Variants in C8orf33 observed in about 807,000 individuals in gnomAD.
C8orf33 encodes chromosome 8 open reading frame 33.
A neutral mutation model predicts 25.7 loss-of-function variants in C8orf33; 28 were observed. That is an observed-to-expected ratio of 1.09 (90% CI 0.81 to 1.49). The LOEUF is 1.49. C8orf33 is among the 40% of genes most tolerant of loss of function. The pLI is 0.00. For synonymous variants in C8orf33, 153 were observed against 115.9 expected, an observed-to-expected ratio of 1.32 and a Z score of -2.06; for missense variants, 369 against 294.4, an observed-to-expected ratio of 1.25 and a Z score of -1.85.
Position 145,052,914 on chromosome 8 carries a change from G to A in C8orf33, c.318+17G>A. ...GAGGCCCAGGCAAGGGCGGGCTTCG[G>A]TCGGGAAGGGTGGAATCCACGGGTG... On this transcript the variant is annotated intron_variant, in intron 2 of 4. Coordinates refer to ENST00000331434, the MANE Select transcript of C8orf33 (RefSeq NM_023080.3). 1 of 1,606,562 alleles carries A rather than the reference G, an allele frequency of 6.2e-7. No individual in the cohort carries two copies. Among genetic ancestry groups the A allele is most frequent in the East Asian group, 2.2e-5 (1 of 44,560 alleles).
At position 145,054,057 on chromosome 8, in the gene C8orf33, C is replaced by G; in HGVS notation, c.590C>G (p.Thr197Ser). 1 of 1,614,162 alleles carries G rather than the reference C, an allele frequency of 6.2e-7. No individual in the cohort carries two copies. Among genetic ancestry groups the G allele is most frequent in the Non-Finnish European group, 8.5e-7 (1 of 1,180,028 alleles). ...SAQVQPVDGA[T>S]RKKSQRVCRP... ...CAGGTGCAACCTGTAGATGGAGCCA[C>G]CAGAAAGAAGAGCCAAAGGGTCTGC... The change falls in exon 5 of 5, where the codon ACC becomes AGC. Residue 197 changes from threonine to serine, a missense_variant. By Grantham distance (58) the Thr-to-Ser change is moderately conservative. Coordinates refer to ENST00000331434, the MANE Select transcript of C8orf33 (RefSeq NM_023080.3).
At chr8:145,053,003 G>C in intron 2 of C8orf33, 59 bp from the exon 3 acceptor site, 1 of 1,611,118 alleles carries the variant, frequency 6.2e-7, no homozygotes, top group Non-Finnish European at 8.5e-7. Context: ...CATGGGATGG[G>C]GCCGGCGGCT....
Position 145,052,713 on chromosome 8 carries a change from C to A in C8orf33, c.134C>A (p.Pro45Gln). 1 of 1,614,168 alleles carries A rather than the reference C, an allele frequency of 6.2e-7. No homozygotes were observed. The highest frequency in any genetic ancestry group is 8.5e-7 in the Non-Finnish European group (1 of 1,180,026). Residue 45 changes from proline (P) to glutamine (Q), a missense_variant, in exon 2 of 5, where the codon CCA becomes CAA. Coordinates refer to ENST00000331434, the MANE Select transcript of C8orf33 (RefSeq NM_023080.3). ...AATCCTTCCACTGTCTGTCTCTGCCCAGAGCAACCTACGTGCAGTAACGCT... is the reference window on the plus strand; with the variant it reads ...AATCCTTCCACTGTCTGTCTCTGCCAAGAGCAACCTACGTGCAGTAACGCT... ...ARNPSTVCLCPEQPTCSNADS... is the reference protein window; with the variant it reads ...ARNPSTVCLCQEQPTCSNADS...
chr8:145,056,002 T>C lies in C8orf33; in HGVS notation c.*1845T>C, dbSNP rs1160462082. ...GGTCTCCGCGTCTTGGTGGTAGTGGTCCCCCAGGCCCAGGTGTCTTTTCTT... is the reference window on the plus strand; with the variant it reads ...GGTCTCCGCGTCTTGGTGGTAGTGGCCCCCCAGGCCCAGGTGTCTTTTCTT... On this transcript the variant is annotated 3_prime_UTR_variant, in exon 5 of 5. Coordinates refer to ENST00000331434, the MANE Select transcript of C8orf33 (RefSeq NM_023080.3). 1 of 213,404 alleles carries C rather than the reference T, an allele frequency of 4.7e-6. No individual in the cohort carries two copies. The highest frequency in any genetic ancestry group is 9.1e-6 in the Non-Finnish European group (1 of 109,922). The allele number at this position is 213,404 out of a possible 1,614,324, so 13.2% of individuals were successfully genotyped here.
Position 145,054,282 on chromosome 8 carries a change from C to A in C8orf33, c.*125C>A. On this transcript the variant is annotated 3_prime_UTR_variant, in exon 5 of 5. Coordinates refer to ENST00000331434, the MANE Select transcript of C8orf33 (RefSeq NM_023080.3). ...GGAGTTGGTCTGTCCCTGGCTGGTCCAAGGATTTGTAGCTGTTGTGAAGGT... is the reference window on the plus strand; with the variant it reads ...GGAGTTGGTCTGTCCCTGGCTGGTCAAAGGATTTGTAGCTGTTGTGAAGGT... 2 of 1,127,638 alleles carry A rather than the reference C, an allele frequency of 1.8e-6. No individual in the cohort carries two copies. Among genetic ancestry groups the A allele is most frequent in the Non-Finnish European group, 2.5e-6 (2 of 796,764 alleles). The allele number at this position is 1,127,638 out of a possible 1,614,324, so 69.9% of individuals were successfully genotyped here. A position where few individuals can be genotyped will look rare whatever the true frequency, so the allele number is the denominator to read the frequency against.
In C8orf33 at chr8:145,054,944, A is replaced by G. The variant is rs1228410879; in HGVS notation, c.*787A>G. ...TGACCTAATCCTCATTGGTGGCTTG[A>G]TGTTTGCTGGTATCTTCCAAACTCA... is the stretch of plus-strand genomic sequence containing the variant. On this transcript the variant is annotated 3_prime_UTR_variant, in exon 5 of 5. Coordinates refer to ENST00000331434, the MANE Select transcript of C8orf33 (RefSeq NM_023080.3). The G allele has an allele frequency of 1.3e-5, 2 of 152,140 alleles. No homozygotes were observed. Among genetic ancestry groups the G allele is most frequent in the Non-Finnish European group, 2.9e-5 (2 of 68,030 alleles). The allele number at this position is 152,140 out of a possible 1,614,324, so 9.4% of individuals were successfully genotyped here. A position where few individuals can be genotyped will look rare whatever the true frequency, so the allele number is the denominator to read the frequency against.
rs942336701 is a variant in C8orf33 at position 145,052,746 on chromosome 8, G to T, written c.167G>T (p.Arg56Ile). 8.7e-6 allele frequency: 14 copies of T among 1,614,084 alleles called. No individual in the cohort carries two copies. Among genetic ancestry groups the T allele is most frequent in the Admixed American group, 1.7e-5 (1 of 60,012 alleles). Reference protein sequence around the residue: ...EQPTCSNADSRAHPLGDEGGT... With the variant: ...EQPTCSNADSIAHPLGDEGGT... ...CCTACGTGCAGTAACGCTGACTCCAGAGCGCACCCGTTGGGCGATGAAGGC... is the reference window on the plus strand; with the variant it reads ...CCTACGTGCAGTAACGCTGACTCCATAGCGCACCCGTTGGGCGATGAAGGC... The change falls in exon 2 of 5, where the codon AGA (arginine) becomes ATA (isoleucine). Residue 56 changes from arginine (R) to isoleucine (I), a missense_variant. By Grantham distance (97) the Arg-to-Ile change is moderately conservative. Transcript: ENST00000331434.
Position 145,052,771 on chromosome 8 carries a change from C to A in C8orf33, c.192C>A (p.Gly64=), listed in dbSNP as rs113112308. The change falls in exon 2 of 5, where the codon GGC becomes GGA. Residue 64 remains glycine, a synonymous_variant. Transcript: ENST00000331434. The part of the protein sequence containing the change: ...DSRAHPLGDE[G]GTASKKQKNK... The stretch of plus-strand genomic sequence containing the variant: ...GAGCGCACCCGTTGGGCGATGAAGG[C>A]GGCACAGCGTCGAAAAAACAAAAGA... 1.2e-6 allele frequency: 2 copies of A among 1,614,096 alleles called. No homozygotes were observed. Among genetic ancestry groups the A allele is most frequent in the South Asian group, 2.2e-5 (2 of 91,076 alleles).
intron 1 of C8orf33, 28 bp downstream of exon 1, chr8:145,052,525 T>G (rs1360428875): frequency 6.2e-7 from 1 of 1,600,032 alleles, no homozygotes; most frequent in Non-Finnish European, 8.5e-7. Context: ...GACGCGCGGG[T>G]GGCTGGGCCT....
rs1350409581 is a variant in C8orf33 at position 145,052,826 on chromosome 8, G to C, written c.247G>C (p.Val83Leu). ...NKKKTRNRAS[V>L]ANGGEKASEK... ...GAAGAAAACGCGGAACAGGGCCTCT[G>C]TGGCAAATGGAGGCGAGAAGGCCTC... Residue 83 changes from valine (V) to leucine (L), a missense_variant, in exon 2 of 5, where the codon GTG becomes CTG. Val to Leu is a conservative substitution (Grantham distance 32). Transcript: ENST00000331434. The C allele has an allele frequency of 6.2e-7, 1 of 1,613,930 alleles. No homozygotes were observed. Among genetic ancestry groups the C allele is most frequent in the African/African-American group, 1.3e-5 (1 of 74,940 alleles).
In C8orf33 at chr8:145,055,006, C is replaced by T. The variant is rs540774451; in HGVS notation, c.*849C>T. ...AGATTGATACCTGGAGCCCAGCTGC[C>T]TACTCAGCATTTCCACTTGGGTGCT... On this transcript the variant is annotated 3_prime_UTR_variant, in exon 5 of 5. Coordinates refer to ENST00000331434, the MANE Select transcript of C8orf33 (RefSeq NM_023080.3). The T allele has an allele frequency of 2.0e-5, 3 of 152,340 alleles. No homozygotes were observed. The South Asian group carries it at 6.2e-4, about 32-fold the overall frequency. The allele number at this position is 152,340 out of a possible 1,614,324, so 9.4% of individuals were successfully genotyped here. A position where few individuals can be genotyped will look rare whatever the true frequency, so the allele number is the denominator to read the frequency against.
Position 145,055,701 on chromosome 8 carries a change from A to G in C8orf33, c.*1544A>G, listed in dbSNP as rs552864468. 1.3e-5 allele frequency: 2 copies of G among 153,090 alleles called. No homozygotes were observed. Among genetic ancestry groups the G allele is most frequent in the African/African-American group, 2.4e-5 (1 of 41,436 alleles). 9.5% of individuals were successfully genotyped at this position (153,090 alleles called of 1,614,324 possible). A position where few individuals can be genotyped will look rare whatever the true frequency, so the allele number is the denominator to read the frequency against. On this transcript the variant is annotated 3_prime_UTR_variant, in exon 5 of 5. Transcript: ENST00000331434. ...GTGGTCACGCTCCTAGTCCGCTTTC[A>G]TGTTCCATCCTGTATACCTGGCTCT...
intron 4 of C8orf33, 141 bp downstream of exon 4, chr8:145,053,584 CAG>C: frequency 1.2e-6 from 1 of 818,630 alleles, no homozygotes; most frequent in Non-Finnish European, 1.9e-6. Flanking sequence ...AGCAGGGAAA[CAG>C]AAAGCGTGGA....
In C8orf33 at chr8:145,052,722, C is replaced by T. The variant is rs562536085; in HGVS notation, c.143C>T (p.Pro48Leu). 1.9e-6 allele frequency: 3 copies of T among 1,614,168 alleles called. No homozygotes were observed. Among genetic ancestry groups the T allele is most frequent in the South Asian group, 1.1e-5 (1 of 91,086 alleles). ...PSTVCLCPEQPTCSNADSRAH... is the reference protein window; with the variant it reads ...PSTVCLCPEQLTCSNADSRAH... ...ACTGTCTGTCTCTGCCCAGAGCAAC[C>T]TACGTGCAGTAACGCTGACTCCAGA... is the stretch of plus-strand genomic sequence containing the variant. The change falls in exon 2 of 5, where the codon CCT becomes CTT. Residue 48 changes from proline (P) to leucine (L), a missense_variant. Pro to Leu is a moderately conservative substitution (Grantham distance 98). Coordinates refer to ENST00000331434, the MANE Select transcript of C8orf33 (RefSeq NM_023080.3).
At position 145,052,667 on chromosome 8, in the gene C8orf33, G is replaced by A. The variant is rs1337662119; in HGVS notation, c.88G>A (p.Gly30Ser). ...PCASRGARLP[G>S]PVSSARNPST... is the part of the protein sequence containing the mutation. ...CGCGTCCCGCGGAGCCCGGCTTCCC[G>A]GCCCAGTTTCCAGCGCCCGGAATCC... The change falls in exon 2 of 5, where the codon GGC becomes AGC. Residue 30 changes from glycine to serine, a missense_variant. Transcript: ENST00000331434. The A allele has an allele frequency of 6.8e-6, 11 of 1,613,500 alleles. No homozygotes were observed. Among genetic ancestry groups the A allele is most frequent in the Non-Finnish European group, 9.3e-6 (11 of 1,180,016 alleles).
At chr8:145,053,512 G>A (rs1351398824) in intron 4 of C8orf33, 69 bp downstream of exon 4, 1 of 1,530,804 alleles carries the variant, frequency 6.5e-7, no homozygotes, top group African/African-American at 1.4e-5. Context: ...GGGGTGAAAG[G>A]AAGAAGGCCC....
intron 4 of C8orf33, 46 bp downstream of exon 4, chr8:145,053,489 A>C: frequency 6.2e-7 from 1 of 1,602,904 alleles, no homozygotes; most frequent in African/African-American, 1.3e-5. Flanking sequence ...TAACTTAAGG[A>C]GGAAGTGTCT....
rs537396574 is a variant in C8orf33 at position 145,052,600 on chromosome 8, T to C, written c.21T>C (p.Leu7=). The C allele has an allele frequency of 6.2e-7, 1 of 1,607,074 alleles. No individual in the cohort carries two copies. The highest frequency in any genetic ancestry group is 1.3e-5 in the African/African-American group (1 of 74,818). Residue 7 remains leucine (L), a synonymous_variant, in exon 2 of 5, where the codon CTT becomes CTC. Transcript: ENST00000331434. ...CCTTTCTCCAGGCCCTGGGACATCTTGCTGGGGAGGCAGCGGCGGCCCCAG... is the reference window on the plus strand; with the variant it reads ...CCTTTCTCCAGGCCCTGGGACATCTCGCTGGGGAGGCAGCGGCGGCCCCAG... The part of the protein sequence containing the change: MAALGH[L]AGEAAAAPGP...
rs577075141 is a variant in C8orf33, at chr8:145,054,929, C to G, written c.*772C>G. The G allele has an allele frequency of 1.2e-3, 183 of 152,314 alleles. No homozygotes were observed. Among genetic ancestry groups the G allele is most frequent in the African/African-American group, 4.3e-3 (177 of 41,546 alleles). The allele number at this position is 152,314 out of a possible 1,614,324, so 9.4% of individuals were successfully genotyped here. A position where few individuals can be genotyped will look rare whatever the true frequency, so the allele number is the denominator to read the frequency against. The stretch of plus-strand genomic sequence containing the variant: ...TTGGGAATCTCCAGGTGACCTAATC[C>G]TCATTGGTGGCTTGATGTTTGCTGG... On this transcript the variant is annotated 3_prime_UTR_variant, in exon 5 of 5. Coordinates refer to ENST00000331434, the MANE Select transcript of C8orf33 (RefSeq NM_023080.3).
Sources: allele counts gnomAD v4.1 joint callset, GRCh38; gene constraint gnomAD v4.1.1; transcripts MANE v1.5; gene names NCBI Gene and HGNC (gene_info 2026-07-23, HGNC 2026-07-21).